The following MTBP variants were observed in gnomAD, a reference collection of about 807,000 sequenced individuals.
MTBP encodes the protein mdm2-binding protein.
MTBP carries 101 observed loss-of-function variants against 117.0 expected under a neutral mutation model. The ratio of observed to expected loss-of-function variants is 0.86; its 90% CI spans 0.73 to 1.02. MTBP has a LOEUF of 1.02. Ranked by LOEUF, MTBP falls within the 50% of genes least tolerant of loss-of-function variation. The pLI is 0.00. For synonymous variants in MTBP, 350 were observed against 351.5 expected (o/e 1.00, Z 0.05); for missense variants, 970 against 1,030.9 (o/e 0.94, Z 0.81).
intron 7 of MTBP, among the ~76,000 whole-genome samples, chr8:120,456,941 A>G (rs144931356): frequency 5.7e-4 from 87 of 152,304 alleles, no homozygotes; most frequent in Middle Eastern, 3.4e-3. Flanking sequence ...ATCACATAAT[A>G]ATGTGATTAT....
chr8:120,469,954 C>G (rs915696548), intron 10 of MTBP, among the ~76,000 whole-genome samples: 22 of 152,114 alleles, frequency 1.4e-4, no homozygotes, highest in Non-Finnish European at 1.6e-4. Context: ...TGTAACTAGT[C>G]CATCAATATA....
chr8:120,513,273 G>A (rs913530784), intron 17 of MTBP, among the ~76,000 whole-genome samples: 3 of 152,028 alleles, frequency 2.0e-5, no homozygotes, highest in African/African-American at 7.2e-5. Context: ...TGGTTGGTTT[G>A]TGATAGGCAG....
chr8:120,473,092 C>T (rs952878511), intron 11 of MTBP: 8 of 152,134 alleles, frequency 5.3e-5, no homozygotes, highest in Non-Finnish European at 1.0e-4. Flanking sequence ...TGCACATCCT[C>T]CTGTATATTT....
At chr8:120,486,382 C>T (rs1035833110) in intron 11 of MTBP, among the ~76,000 whole-genome samples, 4 of 152,068 alleles carry the variant, frequency 2.6e-5, no homozygotes, top group Non-Finnish European at 4.4e-5. Flanking sequence ...GTAGCTGGGC[C>T]GGCATGTAGC....
Position 120,455,427 on chromosome 8 carries a change from C to T in MTBP, c.485-8C>T. ...AAAAATTACAAAAATGCCTTTTTCTCTTTCTAGGTAGAGCAATGGTAGATA... is the reference window on the plus strand; with the variant it reads ...AAAAATTACAAAAATGCCTTTTTCTTTTTCTAGGTAGAGCAATGGTAGATA... On this transcript the variant is annotated splice_region_variant and splice_polypyrimidine_tract_variant and intron_variant, in intron 5 of 21. Transcript: ENST00000305949. 2 of 1,569,170 alleles carry T rather than the reference C, an allele frequency of 1.3e-6. No individual in the cohort carries two copies. The highest frequency in any genetic ancestry group is 8.6e-7 in the Non-Finnish European group (1 of 1,161,750).
chr8:120,482,760 C>T (rs1297732973), intron 11 of MTBP, among the ~76,000 whole-genome samples: 1 of 99,480 alleles, frequency 1.0e-5, no homozygotes, highest in African/African-American at 2.6e-5. Flanking sequence ...AATGCAGTAG[C>T]GTGATCTCGG....
chr8:120,472,844 T>C (rs1370757515), intron 11 of MTBP: 1 of 152,178 alleles, frequency 6.6e-6, no homozygotes, highest in Non-Finnish European at 1.5e-5. Context: ...AAGCCACCAA[T>C]GTAAAAAGTC....
At chr8:120,500,532 C>T (rs1032993175) in intron 14 of MTBP, among the ~76,000 whole-genome samples, 6 of 151,994 alleles carry the variant, frequency 3.9e-5, no homozygotes, top group Admixed American at 1.3e-4. Context: ...AGTGGAAAGC[C>T]GCATGAACAT....
intron 17 of MTBP, among the ~76,000 whole-genome samples, chr8:120,513,210 C>T (rs1387686145): frequency 6.6e-6 from 1 of 151,954 alleles, no homozygotes; most frequent in Non-Finnish European, 1.5e-5. Flanking sequence ...TGCTTTGAAA[C>T]TTCCTTCATC....
At chr8:120,455,343 T>A in intron 5 of MTBP, 92 bp from the exon 6 acceptor site, 1 of 632,928 alleles carries the variant, frequency 1.6e-6, no homozygotes, top group Non-Finnish European at 2.5e-6. Flanking sequence ...TTTTTCTAAA[T>A]AAACATAAAA....
rs550332804 is a variant in MTBP, at chr8:120,484,558, G to C, written c.1166-3601G>C. ...AGAATCTTTTATTTGCTGTGTGGTTGTCTATAAAGAACTGAAGTACTGTCA... is the reference window on the plus strand; with the variant it reads ...AGAATCTTTTATTTGCTGTGTGGTTCTCTATAAAGAACTGAAGTACTGTCA... On this transcript the variant is annotated intron_variant, in intron 11 of 21. Coordinates refer to ENST00000305949, the MANE Select transcript of MTBP (RefSeq NM_022045.5). Among the ~76,000 whole-genome samples the C allele has an allele frequency of 4.6e-5, 7 of 152,196 alleles. No individual in the cohort carries two copies. In the South Asian group the frequency reaches 1.5e-3, roughly 32 times the overall value.
chr8:120,446,952 G>A (rs565289427), intron 2 of MTBP, among the ~76,000 whole-genome samples: 1 of 152,250 alleles, frequency 6.6e-6, no homozygotes, highest in African/African-American at 2.4e-5. Flanking sequence ...AACACGATGA[G>A]CTTTTCTCAG....
At position 120,490,456 on chromosome 8, in the gene MTBP, T is replaced by A. The variant is rs764250890; in HGVS notation, c.1340-7T>A. On this transcript the variant is annotated splice_polypyrimidine_tract_variant and splice_region_variant and intron_variant, in intron 12 of 21. Coordinates refer to ENST00000305949, the MANE Select transcript of MTBP (RefSeq NM_022045.5). ...AATGTTGACCTTTTTTTTTTCTTAT[T>A]TCTCAGGTTTTCCTTTTGACTTATT... The A allele has an allele frequency of 3.8e-6, 6 of 1,571,036 alleles. No homozygotes were observed. Among genetic ancestry groups the A allele is most frequent in the Non-Finnish European group, 5.2e-6 (6 of 1,148,152 alleles).
chr8:120,483,199 T>A (rs181225976), intron 11 of MTBP, among the ~76,000 whole-genome samples: 172 of 152,124 alleles, frequency 1.1e-3, no homozygotes, highest in Middle Eastern at 3.4e-3. Flanking sequence ...AGATTTATTT[T>A]TTTTTTCTTC....
intron 10 of MTBP, among the ~76,000 whole-genome samples, chr8:120,464,567 G>A (rs573564375): frequency 1.3e-5 from 2 of 152,000 alleles, no homozygotes; most frequent in East Asian, 1.9e-4. Flanking sequence ...CTAAAATCAA[G>A]TCTTGGTTAT....
chr8:120,455,059 G>T (rs1036944191), intron 5 of MTBP, among the ~76,000 whole-genome samples: 8 of 151,122 alleles, frequency 5.3e-5, no homozygotes, highest in African/African-American at 2.0e-4. Context: ...AAAATATAAT[G>T]AAATTGCACA....
At chr8:120,485,157 A>G (rs1814184308) in intron 11 of MTBP, among the ~76,000 whole-genome samples, 1 of 152,192 alleles carries the variant, frequency 6.6e-6, no homozygotes, top group Admixed American at 6.5e-5. Flanking sequence ...TTTTCAGTAT[A>G]AATCTAGGAG....
chr8:120,445,952 C>T (rs1813216365), intron 1 of MTBP, among the ~76,000 whole-genome samples: 1 of 152,160 alleles, frequency 6.6e-6, no homozygotes, highest in African/African-American at 2.4e-5. Flanking sequence ...AAAGATCTTG[C>T]TGTCCTACAA....
At chr8:120,517,500 T>G (rs2130621604) in intron 18 of MTBP, among the ~76,000 whole-genome samples, 1 of 152,102 alleles carries the variant, frequency 6.6e-6, no homozygotes, top group African/African-American at 2.4e-5. Flanking sequence ...ATGTGTTAGT[T>G]ACTCATCTGA....
Sources: allele counts gnomAD v4.1 joint callset (sites outside exome capture counted in the v4.1 genomes callset), GRCh38; gene constraint gnomAD v4.1.1; transcripts MANE v1.5; gene names NCBI Gene and HGNC (gene_info 2026-07-23, HGNC 2026-07-21).